The following ANO2 variants were observed in gnomAD, a reference collection of about 807,000 sequenced individuals.
ANO2 encodes the protein anoctamin 2.
A neutral mutation model predicts 124.2 loss-of-function variants in ANO2; 101 were observed. The observed-to-expected ratio is 0.81, with a 90% confidence interval of 0.69 to 0.96. ANO2 has a LOEUF of 0.96. Ranked by LOEUF, ANO2 falls within the 40% of genes least tolerant of loss-of-function variation. The probability of loss-of-function intolerance (pLI) is 0.00; values close to 1 mark genes in which losing one functional copy is unlikely to be tolerated. For missense variants in ANO2, 1,293 were observed against 1,274.5 expected (o/e 1.01, Z -0.22); for synonymous variants, 486 against 482.5 (o/e 1.01, Z -0.09).
chr12:5,653,646 GCAT>G (rs1305028518), intron 14 of ANO2, among the ~76,000 whole-genome samples: 1 of 152,204 alleles, frequency 6.6e-6, no homozygotes, highest in Non-Finnish European at 1.5e-5. Flanking sequence ...TATGTACCAA[GCAT>G]CATGCTAGCA....
chr12:5,821,734 AC>A (rs1303605319), intron 7 of ANO2, among the ~76,000 whole-genome samples: 1 of 152,200 alleles, frequency 6.6e-6, no homozygotes. Context: ...TCACCATGGC[AC>A]CTGAACTGCC....
chr12:5,940,330 A>G (rs1942845993), intron 1 of ANO2, among the ~76,000 whole-genome samples: 1 of 152,256 alleles, frequency 6.6e-6, no homozygotes, highest in South Asian at 2.1e-4. Context: ...TAGATTGTAT[A>G]GAACCCATTC....
chr12:5,934,169 G>A lies in ANO2; in HGVS notation c.22+11027C>T, dbSNP rs1942553187. 2.0e-5 allele frequency among the ~76,000 whole-genome samples: 3 copies of A among 152,150 alleles called. 1 individual carries two copies. The highest frequency in any genetic ancestry group is 2.0e-4 in the Admixed American group (3 of 15,274). On this transcript the variant is annotated intron_variant, in intron 1 of 24. Coordinates refer to ENST00000682330, the MANE Select transcript of ANO2 (RefSeq NM_001364791.2). ...TTTATGTAATCTTCACGATAACCCT[G>A]AGGTAGGTACCATTGTTGTCACCAT...
At chr12:5,717,048 T>C (rs1414646669) in intron 14 of ANO2, among the ~76,000 whole-genome samples, 1 of 152,226 alleles carries the variant, frequency 6.6e-6, no homozygotes, top group Non-Finnish European at 1.5e-5. Flanking sequence ...AGATGTGGAA[T>C]TGACTTTGGA....
At chr12:5,920,021 A>G (rs1941604417) in intron 3 of ANO2, among the ~76,000 whole-genome samples, 1 of 151,808 alleles carries the variant, frequency 6.6e-6, no homozygotes, top group African/African-American at 2.4e-5. Flanking sequence ...TTAAAGGATC[A>G]CTGTGGTGTG....
At chr12:5,755,659 G>A (rs1187030869) in intron 10 of ANO2, among the ~76,000 whole-genome samples, 1 of 151,966 alleles carries the variant, frequency 6.6e-6, no homozygotes, top group Non-Finnish European at 1.5e-5. Flanking sequence ...TGCGGTGTTT[G>A]GTTTTTTGTC....
chr12:5,679,710 G>A (rs138907843), intron 14 of ANO2, among the ~76,000 whole-genome samples: 33 of 152,258 alleles, frequency 2.2e-4, no homozygotes, highest in African/African-American at 4.8e-4. Flanking sequence ...TACTTCAGCC[G>A]TTGTGGAAGA....
At chr12:5,942,066 T>C (rs7397672) in intron 1 of ANO2, among the ~76,000 whole-genome samples, 51,673 of 152,102 alleles carry the variant, frequency 0.34, 11,017 homozygotes, top group East Asian at 0.79. Context: ...CGATTAAGAA[T>C]TCTTCCTAAG....
chr12:5,821,259 G>A (rs1353877981), intron 7 of ANO2, among the ~76,000 whole-genome samples: 1 of 152,194 alleles, frequency 6.6e-6, no homozygotes, highest in Non-Finnish European at 1.5e-5. Context: ...GTGCTGTGGG[G>A]CCTGTCAAGA....
intron 3 of ANO2, among the ~76,000 whole-genome samples, chr12:5,894,704 C>T (rs1720436087): frequency 6.6e-6 from 1 of 152,190 alleles, no homozygotes; most frequent in Non-Finnish European, 1.5e-5. Context: ...CAGTTTTCTG[C>T]ATATGGCTAG....
intron 19 of ANO2, among the ~76,000 whole-genome samples, chr12:5,606,318 C>G (rs979053273): frequency 6.6e-6 from 1 of 152,184 alleles, no homozygotes; most frequent in African/African-American, 2.4e-5. Context: ...CTTTGCTGCT[C>G]TTGTTCAGTC....
At chr12:5,682,527 C>G (rs995509) in intron 14 of ANO2, among the ~76,000 whole-genome samples, 104,354 of 151,858 alleles carry the variant, frequency 0.69, 35,978 homozygotes, top group Middle Eastern at 0.75. Context: ...GTTCGGGCTG[C>G]AGGCAAGGCT....
At chr12:5,893,529 T>G (rs1299890516) in intron 3 of ANO2, among the ~76,000 whole-genome samples, 1 of 151,608 alleles carries the variant, frequency 6.6e-6, no homozygotes, top group African/African-American at 2.4e-5. Context: ...CTGGGATACA[T>G]GTGCAGAACG....
intron 20 of ANO2, among the ~76,000 whole-genome samples, chr12:5,588,994 G>A (rs191533965): frequency 6.6e-6 from 1 of 152,312 alleles, no homozygotes; most frequent in African/African-American, 2.4e-5. Flanking sequence ...CGCTCACTCT[G>A]CCTACAATGG....
chr12:5,614,459 A>G (rs1944696498), intron 17 of ANO2, among the ~76,000 whole-genome samples: 1 of 152,214 alleles, frequency 6.6e-6, no homozygotes, highest in African/African-American at 2.4e-5. Flanking sequence ...CTCACATGGC[A>G]AATGATTCCA....
intron 20 of ANO2, among the ~76,000 whole-genome samples, chr12:5,593,998 GA>G (rs1943535522): frequency 6.6e-6 from 1 of 152,086 alleles, no homozygotes; most frequent in Non-Finnish European, 1.5e-5. Context: ...AGAGATGAAC[GA>G]AACCTAATCC....
intron 16 of ANO2, among the ~76,000 whole-genome samples, chr12:5,620,339 T>C (rs899055563): frequency 2.0e-5 from 3 of 152,118 alleles, no homozygotes; most frequent in African/African-American, 7.2e-5. Context: ...CAGGCAGGGG[T>C]GAGACCCTAG....
At chr12:5,695,038 C>T (rs1254153516) in intron 14 of ANO2, among the ~76,000 whole-genome samples, 1 of 152,190 alleles carries the variant, frequency 6.6e-6, no homozygotes, top group East Asian at 1.9e-4. Flanking sequence ...TAAGTGTCTG[C>T]TGAATAGTTC....
rs1938773895 is a variant in ANO2, at chr12:5,884,873, C to A, written c.535-30732G>T. 5.9e-5 allele frequency among the ~76,000 whole-genome samples: 9 copies of A among 152,112 alleles called. No individual in the cohort carries two copies. In the South Asian group the frequency reaches 1.9e-3, roughly 32 times the overall value. ...CCCAGCCAGGACTTCTAATGGAGAG[C>A]AGAGGGGACCCTAAAGCAAGAACAC... On this transcript the variant is annotated intron_variant, in intron 3 of 24. Transcript: ENST00000682330.
Sources: allele counts gnomAD v4.1 joint callset (sites outside exome capture counted in the v4.1 genomes callset), GRCh38; gene constraint gnomAD v4.1.1; transcripts MANE v1.5; gene names NCBI Gene and HGNC (gene_info 2026-07-23, HGNC 2026-07-21).